The following USH2A variants were observed in gnomAD, a reference collection of about 807,000 sequenced individuals.
USH2A encodes the protein usherin, also known as Usher syndrome 2A (autosomal recessive, mild).
In USH2A, 443 loss-of-function variants were observed where a neutral mutation model predicts 538.9. That is an observed-to-expected ratio of 0.82 (90% CI 0.76 to 0.89). USH2A has a LOEUF of 0.89. Among genes scored for constraint, USH2A ranks in the 40% least tolerant of loss-of-function variants. USH2A has a pLI of 0.00. For synonymous variants in USH2A, 2,413 were observed against 2,273.5 expected, an observed-to-expected ratio of 1.06 and a Z score of -1.75; for missense variants, 6,633 against 6,324.8, an observed-to-expected ratio of 1.05 and a Z score of -1.65.
intron 37 of USH2A, among the ~76,000 whole-genome samples, chr1:215,949,301 A>T (rs1214722022): frequency 6.6e-6 from 1 of 152,116 alleles, no homozygotes; most frequent in Non-Finnish European, 1.5e-5. Flanking sequence ...TGCTTAAGTA[A>T]ATGGAAAAAT....
chr1:215,912,117 A>G (rs1336565279), intron 38 of USH2A, among the ~76,000 whole-genome samples: 1 of 152,006 alleles, frequency 6.6e-6, no homozygotes, highest in Non-Finnish European at 1.5e-5. Flanking sequence ...TCAGAGGGAT[A>G]GTTGGCAAAT....
At chr1:216,253,360 T>C (rs1233165322) in intron 11 of USH2A, among the ~76,000 whole-genome samples, 2 of 152,202 alleles carry the variant, frequency 1.3e-5, no homozygotes, top group East Asian at 3.9e-4. Context: ...GAGACACAGT[T>C]TCACCATGTT....
chr1:216,282,668 CTT>C (rs1287792365), intron 11 of USH2A, among the ~76,000 whole-genome samples: 1 of 152,034 alleles, frequency 6.6e-6, no homozygotes, highest in Non-Finnish European at 1.5e-5. Flanking sequence ...TTTTCCAACT[CTT>C]TTTTTATAAG....
At chr1:216,144,473 T>C (rs931771956) in intron 21 of USH2A, among the ~76,000 whole-genome samples, 1 of 152,114 alleles carries the variant, frequency 6.6e-6, no homozygotes, top group Non-Finnish European at 1.5e-5. Flanking sequence ...AATAAATGCA[T>C]ATATTATTAA....
chr1:215,719,567 G>A (rs1478339507), intron 61 of USH2A, among the ~76,000 whole-genome samples: 1 of 152,136 alleles, frequency 6.6e-6, no homozygotes, highest in Non-Finnish European at 1.5e-5. Context: ...GACCAAATTA[G>A]TACAGTTGCC....
At chr1:216,150,035 T>C (rs2033801944) in intron 21 of USH2A, among the ~76,000 whole-genome samples, 1 of 152,130 alleles carries the variant, frequency 6.6e-6, no homozygotes, top group African/African-American at 2.4e-5. Context: ...CTTCATTCTA[T>C]TAGGTCTGTT....
intron 32 of USH2A, among the ~76,000 whole-genome samples, chr1:216,034,692 C>A (rs889663964): frequency 6.6e-6 from 1 of 152,070 alleles, no homozygotes; most frequent in Non-Finnish European, 1.5e-5. Context: ...GACTGACAGA[C>A]ACCTGCCAGA....
intron 35 of USH2A, 34 bp from the exon 36 acceptor site, chr1:215,970,810 A>G (rs1558188249): frequency 1.2e-6 from 2 of 1,605,748 alleles, no homozygotes; most frequent in South Asian, 1.1e-5. Flanking sequence ...CAGTATGACT[A>G]CTAGACAATA....
chr1:215,741,488 G>A lies in USH2A; in HGVS notation c.11598C>T (p.Ala3866=). The change falls in exon 60 of 72, where the codon GCC becomes GCT. Residue 3866 remains alanine, a synonymous_variant. Coordinates refer to ENST00000307340, the MANE Select transcript of USH2A (RefSeq NM_206933.4). ...SRMFVKTPEA[A]PMDLNSPVLK... ...GAACAGGAGAATTAAGATCCATTGG[G>A]GCTGCTTCAGGTGTTTTGACAAACA... 1 of 1,613,582 alleles carries A rather than the reference G, an allele frequency of 6.2e-7. No individual in the cohort carries two copies. Among genetic ancestry groups the A allele is most frequent in the Non-Finnish European group, 8.5e-7 (1 of 1,179,902 alleles).
intron 37 of USH2A, among the ~76,000 whole-genome samples, chr1:215,952,477 A>G (rs1020732922): frequency 6.6e-6 from 1 of 152,062 alleles, no homozygotes; most frequent in African/African-American, 2.4e-5. Flanking sequence ...CCTAGCCTCG[A>G]TGGTCTTTAC....
intron 21 of USH2A, among the ~76,000 whole-genome samples, chr1:216,141,741 A>G (rs1034074057): frequency 6.6e-6 from 1 of 152,152 alleles, no homozygotes; most frequent in Admixed American, 6.5e-5. Flanking sequence ...AACATACATC[A>G]TTACATAAAG....
chr1:216,254,515 T>G (rs541067640), intron 11 of USH2A, among the ~76,000 whole-genome samples: 1 of 152,300 alleles, frequency 6.6e-6, no homozygotes, highest in African/African-American at 2.4e-5. Flanking sequence ...ATATAATGCT[T>G]GCAAATATGA....
chr1:215,782,182 A>G lies in USH2A; in HGVS notation c.10600T>C (p.Tyr3534His). ...PIQSNGPIIY[Y>H]ILLRNGIERF... ...TCAATTCCATTTCGAAGAAGGATGT[A>G]GTAAATAATAGGACCTAAAAGAAGC... The change falls in exon 54 of 72, where the codon TAC becomes CAC. Residue 3534 changes from tyrosine to histidine, a missense_variant. Physicochemically the swap from Tyr to His is moderately conservative, Grantham distance 83. Coordinates refer to ENST00000307340, the MANE Select transcript of USH2A (RefSeq NM_206933.4). The G allele has an allele frequency of 1.2e-6, 2 of 1,613,926 alleles. No homozygotes were observed. Among genetic ancestry groups the G allele is most frequent in the South Asian group, 1.1e-5 (1 of 91,084 alleles).
intron 32 of USH2A, among the ~76,000 whole-genome samples, chr1:216,031,171 C>T (rs534448471): frequency 1.3e-5 from 2 of 152,130 alleles, no homozygotes; most frequent in East Asian, 3.9e-4. Context: ...TATTCTCCTA[C>T]AGTTTACTAA....
intron 58 of USH2A, among the ~76,000 whole-genome samples, chr1:215,747,885 TG>T (rs1437495037): frequency 0.21 from 29,682 of 144,124 alleles, 3,244 homozygotes; most frequent in Non-Finnish European, 0.22. Context: ...TTTGTTTGTT[TG>T]TTTGGTTTTT....
intron 61 of USH2A, among the ~76,000 whole-genome samples, chr1:215,716,725 G>A (rs976023554): frequency 2.6e-5 from 4 of 152,144 alleles, no homozygotes; most frequent in African/African-American, 9.7e-5. Flanking sequence ...AATAATTCAA[G>A]TATCATATAA....
At chr1:215,635,756 A>G (rs189564760) in intron 69 of USH2A, among the ~76,000 whole-genome samples, 22 of 152,048 alleles carry the variant, frequency 1.4e-4, no homozygotes, top group Non-Finnish European at 2.6e-4. Context: ...GGGTTTCACC[A>G]TGTTGGCCAG....
At chr1:216,094,389 G>T (rs2102570222) in intron 22 of USH2A, among the ~76,000 whole-genome samples, 1 of 152,072 alleles carries the variant, frequency 6.6e-6, no homozygotes, top group East Asian at 1.9e-4. Context: ...CCACTAAGCT[G>T]GTATCTTCAG....
In USH2A at chr1:216,073,174, C is replaced by G; in HGVS notation, c.5699G>C (p.Cys1900Ser). Residue 1900 changes from cysteine to serine, a missense_variant, in exon 28 of 72, where the codon TGC (cysteine) becomes TCC (serine). Coordinates refer to ENST00000307340, the MANE Select transcript of USH2A (RefSeq NM_206933.4). ...GCLSTDSAVN[C>S]RGNDSILVYQ... ...AACCAGGATGGAGTCATTTCCCCTG[C>G]AGTTAACAGCACTGTCAGTTGATAG... 1 of 1,613,838 alleles carries G rather than the reference C, an allele frequency of 6.2e-7. No individual in the cohort carries two copies. The highest frequency in any genetic ancestry group is 8.5e-7 in the Non-Finnish European group (1 of 1,179,944).
Sources: allele counts gnomAD v4.1 joint callset (sites outside exome capture counted in the v4.1 genomes callset), GRCh38; gene constraint gnomAD v4.1.1; transcripts MANE v1.5; gene names NCBI Gene and HGNC (gene_info 2026-07-23, HGNC 2026-07-21).